The following SRRM4 variants were observed in gnomAD, a reference collection of about 807,000 sequenced individuals.
SRRM4 encodes the protein serine/arginine repetitive matrix protein 4.
In SRRM4, 33 loss-of-function variants were observed where a neutral mutation model predicts 68.9. That is an observed-to-expected ratio of 0.48 (90% CI 0.36 to 0.64). SRRM4 has a LOEUF of 0.64. Among genes scored for constraint, SRRM4 ranks in the 30% least tolerant of loss-of-function variants. SRRM4 has a pLI of 0.00. For missense variants in SRRM4, 817 were observed against 827.1 expected (o/e 0.99, Z 0.15); for synonymous variants, 318 against 318.8 (o/e 1.00, Z 0.03).
intron 7 of SRRM4, among the ~76,000 whole-genome samples, chr12:119,128,572 CT>C (rs1337362663): frequency 6.6e-6 from 1 of 152,204 alleles, no homozygotes; most frequent in Admixed American, 6.5e-5. Context: ...TCCTGGTGGC[CT>C]TTTTCTGGAG....
At chr12:119,048,411 G>C (rs1953721021) in intron 1 of SRRM4, among the ~76,000 whole-genome samples, 1 of 152,200 alleles carries the variant, frequency 6.6e-6, no homozygotes, top group Non-Finnish European at 1.5e-5. Context: ...GAAGGAGCTA[G>C]ATAACACACT....
At chr12:119,022,469 A>C (rs1525945) in intron 1 of SRRM4, among the ~76,000 whole-genome samples, 44,743 of 152,032 alleles carry the variant, frequency 0.29, 6,799 homozygotes, top group Admixed American at 0.32. Flanking sequence ...CAGCACAAAT[A>C]ATCCACAAAG....
At chr12:119,145,775 C>T in intron 9 of SRRM4, 90 bp downstream of exon 9, 1 of 1,127,486 alleles carries the variant, frequency 8.9e-7, no homozygotes, top group South Asian at 2.6e-5. Flanking sequence ...CCACTCCACC[C>T]CCAAGATTAT....
intron 1 of SRRM4, among the ~76,000 whole-genome samples, chr12:119,079,745 T>G (rs1162247373): frequency 6.6e-6 from 1 of 152,144 alleles, no homozygotes; most frequent in Non-Finnish European, 1.5e-5. Context: ...CCTTAAAAAG[T>G]GCTGGTTATT....
At chr12:119,070,105 G>T (rs758167856) in intron 1 of SRRM4, among the ~76,000 whole-genome samples, 1 of 151,796 alleles carries the variant, frequency 6.6e-6, no homozygotes, top group Non-Finnish European at 1.5e-5. Flanking sequence ...TGTGCATGAA[G>T]TACCTGATTT....
intron 6 of SRRM4, among the ~76,000 whole-genome samples, chr12:119,125,042 G>A (rs141657690): frequency 2.6e-5 from 4 of 152,256 alleles, no homozygotes; most frequent in East Asian, 1.9e-4. Context: ...GCTCTGTGAC[G>A]TTGAGGCGCC....
At chr12:119,091,863 C>T (rs1449040722) in intron 1 of SRRM4, among the ~76,000 whole-genome samples, 3 of 152,244 alleles carry the variant, frequency 2.0e-5, no homozygotes, top group Admixed American at 6.5e-5. Flanking sequence ...ACCCCATACC[C>T]CTATATGAGA....
At chr12:119,071,249 G>C (rs940788007) in intron 1 of SRRM4, among the ~76,000 whole-genome samples, 1 of 152,178 alleles carries the variant, frequency 6.6e-6, no homozygotes, top group Non-Finnish European at 1.5e-5. Flanking sequence ...ATCTTAGTAT[G>C]AGAACAATAA....
chr12:119,079,726 T>C (rs1196777650), intron 1 of SRRM4, among the ~76,000 whole-genome samples: 1 of 152,142 alleles, frequency 6.6e-6, no homozygotes, highest in African/African-American at 2.4e-5. Flanking sequence ...GCATCCTATG[T>C]TGTCACATCC....
chr12:119,017,114 C>T (rs1166382808), intron 1 of SRRM4, among the ~76,000 whole-genome samples: 1 of 152,234 alleles, frequency 6.6e-6, no homozygotes, highest in Non-Finnish European at 1.5e-5. Flanking sequence ...ATCACCACAG[C>T]CTAGTCTATA....
At chr12:119,067,290 A>C (rs1447604847) in intron 1 of SRRM4, among the ~76,000 whole-genome samples, 3 of 152,224 alleles carry the variant, frequency 2.0e-5, no homozygotes, top group Non-Finnish European at 2.9e-5. Context: ...AGTGCTCAAT[A>C]AGCATTTCTG....
At chr12:118,992,535 A>C (rs910638406) in intron 1 of SRRM4, among the ~76,000 whole-genome samples, 47 of 152,238 alleles carry the variant, frequency 3.1e-4, no homozygotes, top group African/African-American at 1.1e-3. Context: ...GTCCACAGCC[A>C]GGTGGCAGGT....
intron 1 of SRRM4, among the ~76,000 whole-genome samples, chr12:119,016,285 C>G (rs148450166): frequency 2.6e-5 from 4 of 152,034 alleles, no homozygotes; most frequent in African/African-American, 9.6e-5. Flanking sequence ...TTGTTTTAAG[C>G]CACTCAGCAT....
At position 119,084,712 on chromosome 12, in the gene SRRM4, A is replaced by G. The variant is rs183459379; in HGVS notation, c.132-17524A>G. Among the ~76,000 whole-genome samples the G allele has an allele frequency of 1.5e-3, 231 of 152,196 alleles. 1 individual carries two copies. The highest frequency in any genetic ancestry group is 5.4e-3 in the African/African-American group (223 of 41,528). ...TCAGGCTATGCCTCAAAATTCTCAT[A>G]GTCCGGTGGGGCAAAATAGAGAATT... On this transcript the variant is annotated intron_variant, in intron 1 of 12. Transcript: ENST00000267260.
At chr12:119,043,841 C>T (rs1290583912) in intron 1 of SRRM4, among the ~76,000 whole-genome samples, 2 of 150,478 alleles carry the variant, frequency 1.3e-5, no homozygotes, top group Non-Finnish European at 3.0e-5. Flanking sequence ...CCTTGAGGAC[C>T]CACTGGCTAG....
At position 119,102,359 on chromosome 12, in the gene SRRM4, A is replaced by G; in HGVS notation, c.255A>G (p.Glu85=). ...GGGAGAGAGACAAGACCTGTCGGGA[A>G]CTGGGTGCCACCAGAGGACACAGGT... ...NSWERDKTCR[E]LGATRGHSAS... The change falls in exon 2 of 13, where the codon GAA becomes GAG. Residue 85 remains glutamate, a synonymous_variant. Transcript: ENST00000267260. 1.2e-6 allele frequency: 2 copies of G among 1,613,034 alleles called. No individual in the cohort carries two copies. Among genetic ancestry groups the G allele is most frequent in the Non-Finnish European group, 1.7e-6 (2 of 1,179,466 alleles).
chr12:119,078,151 T>C (rs1186310877), intron 1 of SRRM4, among the ~76,000 whole-genome samples: 1 of 152,202 alleles, frequency 6.6e-6, no homozygotes, highest in Non-Finnish European at 1.5e-5. Context: ...CTGGATATCA[T>C]TTTCATGACT....
chr12:119,072,418 T>A (rs368173453), intron 1 of SRRM4, among the ~76,000 whole-genome samples: 1 of 152,216 alleles, frequency 6.6e-6, no homozygotes, highest in South Asian at 2.1e-4. Flanking sequence ...TCCTGATCTC[T>A]CATTTGAGGG....
At chr12:119,087,419 G>T (rs560057821) in intron 1 of SRRM4, among the ~76,000 whole-genome samples, 1 of 152,340 alleles carries the variant, frequency 6.6e-6, no homozygotes, top group East Asian at 1.9e-4. Flanking sequence ...GCCTGCCAGG[G>T]CCTGGCTCAG....
Sources: gnomAD v4.1 joint callset for allele counts (sites outside exome capture counted in the v4.1 genomes callset) on GRCh38, gnomAD v4.1.1 for gene constraint, MANE v1.5 for transcripts, NCBI Gene and HGNC (gene_info 2026-07-23, HGNC 2026-07-21) for gene names.